The following RFC3 variants were observed in gnomAD, a reference collection of about 807,000 sequenced individuals.
RFC3 encodes the protein replication factor C subunit 3.
Under a neutral mutation model 45.1 loss-of-function variants are expected in RFC3, and 41 were observed. That is an observed-to-expected ratio of 0.91 (90% CI 0.71 to 1.18). RFC3 has a LOEUF of 1.18. Ranked by LOEUF, RFC3 falls within the 50% of genes most tolerant of loss-of-function variation. The pLI is 0.00. For synonymous variants in RFC3, 149 were observed against 144.0 expected, an observed-to-expected ratio of 1.03 and a Z score of -0.25; for missense variants, 423 against 428.1, an observed-to-expected ratio of 0.99 and a Z score of 0.10.
Position 33,823,928 on chromosome 13 carries a change from A to G in RFC3, c.237A>G (p.Lys79=), listed in dbSNP as rs1460140780. ...TTCTTTGTCCACAGACTCCATCTAA[A>G]AAAAAAATTGAAATTAGCACCATTG... is the stretch of plus-strand genomic sequence containing the variant. ...IEHQTITTPS[K]KKIEISTIAS... The change falls in exon 3 of 9, where the codon AAA becomes AAG. Residue 79 remains lysine (K), a synonymous_variant. Coordinates refer to ENST00000380071, the MANE Select transcript of RFC3 (RefSeq NM_002915.4). The G allele has an allele frequency of 6.4e-7, 1 of 1,558,730 alleles. No homozygotes were observed. Among genetic ancestry groups the G allele is most frequent in the South Asian group, 1.1e-5 (1 of 87,136 alleles).
chr13:33,912,985 A>G (rs1388040198), intron 8 of RFC3, among the ~76,000 whole-genome samples: 1 of 152,090 alleles, frequency 6.6e-6, no homozygotes, highest in African/African-American at 2.4e-5. Flanking sequence ...TGTCTCTGCT[A>G]GTCCTGTTCA....
chr13:33,874,833 T>A (rs1194307388), intron 8 of RFC3, among the ~76,000 whole-genome samples: 1 of 152,248 alleles, frequency 6.6e-6, no homozygotes, highest in African/African-American at 2.4e-5. Context: ...AGTGCCTCAC[T>A]TCTGTTTAGA....
intron 8 of RFC3, among the ~76,000 whole-genome samples, chr13:33,854,160 A>T (rs1482820026): frequency 1.3e-5 from 2 of 152,218 alleles, no homozygotes; most frequent in African/African-American, 2.4e-5. Flanking sequence ...GAGATTATCC[A>T]TGTCATTGAG....
chr13:33,885,037 G>A (rs1335494556), intron 8 of RFC3, among the ~76,000 whole-genome samples: 1 of 152,122 alleles, frequency 6.6e-6, no homozygotes, highest in Admixed American at 6.5e-5. Flanking sequence ...GGCACAGTGG[G>A]CTCCTGGAAC....
At chr13:33,939,892 A>G (rs985885137) in intron 8 of RFC3, among the ~76,000 whole-genome samples, 2 of 152,258 alleles carry the variant, frequency 1.3e-5, no homozygotes, top group Middle Eastern at 3.4e-3. Context: ...TGTCTTTTTA[A>G]TATTTGTAAG....
At chr13:33,921,644 T>C (rs924766718) in intron 8 of RFC3, among the ~76,000 whole-genome samples, 4 of 152,050 alleles carry the variant, frequency 2.6e-5, no homozygotes, top group Admixed American at 6.6e-5. Flanking sequence ...TCCCTGATGG[T>C]GCAGCCTTTC....
chr13:33,830,061 T>A, intron 5 of RFC3, 44 bp downstream of exon 5: 5 of 1,495,780 alleles, frequency 3.3e-6, no homozygotes, highest in South Asian at 1.1e-5. Flanking sequence ...CAGTTCAGAT[T>A]CTCTGAATAT....
At chr13:33,892,138 G>A (rs994051746) in intron 8 of RFC3, among the ~76,000 whole-genome samples, 1 of 151,922 alleles carries the variant, frequency 6.6e-6, no homozygotes, top group Non-Finnish European at 1.5e-5. Flanking sequence ...TGCTGTAAAT[G>A]TATTGATTTA....
chr13:33,899,339 T>C (rs899659694), intron 8 of RFC3, among the ~76,000 whole-genome samples: 8 of 150,682 alleles, frequency 5.3e-5, no homozygotes, highest in Non-Finnish European at 1.2e-4. Flanking sequence ...TTCACCATGA[T>C]CAAGTGGGAT....
At chr13:33,899,151 C>T (rs751911230) in intron 8 of RFC3, among the ~76,000 whole-genome samples, 2 of 141,378 alleles carry the variant, frequency 1.4e-5, no homozygotes, top group African/African-American at 2.7e-5. Context: ...ACTTTAAACT[C>T]CTATGGAGCC....
At chr13:33,911,033 A>C (rs1056992776) in intron 8 of RFC3, among the ~76,000 whole-genome samples, 1 of 152,090 alleles carries the variant, frequency 6.6e-6, no homozygotes, top group Admixed American at 6.6e-5. Flanking sequence ...ACAATTTGAC[A>C]TGAGATTTAG....
chr13:33,917,600 A>G (rs1447613089), intron 8 of RFC3, among the ~76,000 whole-genome samples: 2 of 152,118 alleles, frequency 1.3e-5, no homozygotes, highest in African/African-American at 4.8e-5. Context: ...GCAAAGCACA[A>G]CCTGGTGGTC....
At chr13:33,963,178 T>C (rs2083067685) in intron 8 of RFC3, among the ~76,000 whole-genome samples, 1 of 13,070 alleles carries the variant, frequency 7.7e-5, no homozygotes, top group Non-Finnish European at 4.2e-3. Flanking sequence ...ATAATTAAAA[T>C]ATTATAAGTA....
At chr13:33,834,324 A>ATC (rs1200767601) in intron 7 of RFC3, among the ~76,000 whole-genome samples, 1 of 135,978 alleles carries the variant, frequency 7.4e-6, no homozygotes, top group African/African-American at 3.0e-5. Flanking sequence ...ATATATATAT[A>ATC]TATATATCTG....
chr13:33,960,762 C>T (rs995865446), intron 8 of RFC3, among the ~76,000 whole-genome samples: 6 of 152,232 alleles, frequency 3.9e-5, no homozygotes, highest in Non-Finnish European at 8.8e-5. Context: ...CCCCAGCAGA[C>T]TGGCCTCCTG....
At chr13:33,925,496 C>A (rs2082803359) in intron 8 of RFC3, among the ~76,000 whole-genome samples, 1 of 140,058 alleles carries the variant, frequency 7.1e-6, no homozygotes, top group Non-Finnish European at 1.5e-5. Flanking sequence ...ACATAGTGTA[C>A]TATATACATA....
downstream of RFC3, among the ~76,000 whole-genome samples, chr13:33,839,459 G>T (rs2139436600): frequency 6.6e-6 from 1 of 152,312 alleles, no homozygotes; most frequent in East Asian, 1.9e-4. Context: ...CAAGTGACAG[G>T]TGTATGGTTG....
chr13:33,869,993 C>G (rs1223871650), intron 8 of RFC3, among the ~76,000 whole-genome samples: 2 of 152,184 alleles, frequency 1.3e-5, no homozygotes, highest in Admixed American at 6.5e-5. Context: ...GGTGGTTCCA[C>G]AAAGGGAACG....
chr13:33,895,394 C>T (rs1244029336), intron 8 of RFC3, among the ~76,000 whole-genome samples: 1 of 152,100 alleles, frequency 6.6e-6, no homozygotes, highest in Non-Finnish European at 1.5e-5. Context: ...AAATGCTCAA[C>T]GTCACTAATC....
Sources: gnomAD v4.1 joint callset for allele counts (sites outside exome capture counted in the v4.1 genomes callset) on GRCh38, gnomAD v4.1.1 for gene constraint, MANE v1.5 for transcripts, NCBI Gene and HGNC (gene_info 2026-07-23, HGNC 2026-07-21) for gene names.